Variants in ATAD5 observed in about 807,000 individuals in gnomAD.
ATAD5 encodes the protein ATPase family AAA domain containing 5.
In ATAD5, 58 loss-of-function variants were observed where a neutral mutation model predicts 176.9. The observed-to-expected ratio is 0.33, with a 90% CI of 0.27 to 0.41. ATAD5 has a LOEUF of 0.41. ATAD5 is among the 10% of genes least tolerant of loss of function. The probability of loss-of-function intolerance (pLI) is 1.00; values close to 1 mark genes in which losing one functional copy is unlikely to be tolerated. For missense variants in ATAD5, 1,789 were observed against 2,094.1 expected, an observed-to-expected ratio of 0.85 and a Z score of 2.84; for synonymous variants, 640 against 712.6, an observed-to-expected ratio of 0.90 and a Z score of 1.62.
At chr17:30,865,625 CA>C in intron 10 of ATAD5, 78 bp from the exon 11 acceptor site, 1 of 822,724 alleles carries the variant, frequency 1.2e-6, no homozygotes, top group East Asian at 2.9e-5. Context: ...GACATTGTAA[CA>C]ATAATGTAAA....
At position 30,894,605 on chromosome 17, in the gene ATAD5, C is replaced by T. The variant is rs149072088; in HGVS notation, c.5339C>T (p.Ser1780Leu). Reference sequence around the variant, plus strand: ...ATATCAGTCATTAAAAGTGTATTTTCGAGTCGATCTCTTCTCTATGTGGGT... The same window carrying T: ...ATATCAGTCATTAAAAGTGTATTTTTGAGTCGATCTCTTCTCTATGTGGGT... The part of the protein sequence containing the change: ...KRISVIKSVF[S>L]SRSLLYVGNR... Residue 1780 changes from serine (S) to leucine (L), a missense_variant, in exon 22 of 23, where the codon TCG (serine) becomes TTG (leucine). Coordinates refer to ENST00000321990, the MANE Select transcript of ATAD5 (RefSeq NM_024857.5). The T allele has an allele frequency of 1.2e-5, 19 of 1,612,296 alleles. No homozygotes were observed. In the African/African-American group the frequency reaches 1.3e-4, roughly 11 times the overall value.
intron 11 of ATAD5, among the ~76,000 whole-genome samples, chr17:30,867,282 C>T (rs1178146880): frequency 6.6e-6 from 1 of 152,082 alleles, no homozygotes; most frequent in African/African-American, 2.4e-5. Flanking sequence ...CACTTGGATT[C>T]TGAGCCACTC....
rs751501563 is a variant in ATAD5 at position 30,893,437 on chromosome 17, T to C, written c.4584T>C (p.Phe1528=). 7 of 1,613,744 alleles carry C rather than the reference T, an allele frequency of 4.3e-6. No homozygotes were observed. Among genetic ancestry groups the C allele is most frequent in the African/African-American group, 2.7e-5 (2 of 74,894 alleles). The part of the protein sequence containing the change: ...PVDTIPETKN[F]CGPSVTVDAS... ...ATACCATTCCAGAAACTAAAAACTT[T>C]TGTGGCCCATCAGTAACTGTGGATG... The change falls in exon 21 of 23, where the codon TTT becomes TTC. Residue 1528 remains phenylalanine, a synonymous_variant. Transcript: ENST00000321990.
Position 30,876,507 on chromosome 17 carries a change from T to G in ATAD5, c.3741T>G (p.Pro1247=). 6.3e-7 allele frequency: 1 copy of G among 1,589,342 alleles called. No individual in the cohort carries two copies. The highest frequency in any genetic ancestry group is 8.6e-7 in the Non-Finnish European group (1 of 1,163,210). ...LANYFKVSPK[P]KNNEEIGMLL... is the part of the protein sequence containing the mutation. ...ATTATTTTAAAGTATCTCCCAAACC[T>G]AAAAATAATGAAGAAATAGGAATGC... The change falls in exon 15 of 23, where the codon CCT becomes CCG. Residue 1247 remains proline (P), a synonymous_variant. Coordinates refer to ENST00000321990, the MANE Select transcript of ATAD5 (RefSeq NM_024857.5).
chr17:30,893,573 G>A lies in ATAD5; in HGVS notation c.4720G>A (p.Asp1574Asn), dbSNP rs1038921475. ...ACAAAAGAAAACATTGGTAATATTA[G>A]ATGATAGTGATCTATTTGACACTGA... is the stretch of plus-strand genomic sequence containing the variant. The part of the protein sequence containing the change: ...KKQKKTLVIL[D>N]DSDLFDTDLD... Residue 1574 changes from aspartate (D) to asparagine (N), a missense_variant, in exon 21 of 23, where the codon GAT becomes AAT. Asp to Asn is a conservative substitution (Grantham distance 23). Around this residue, in one of 6 missense-constraint regions of ATAD5, gnomAD observed 403 missense variants for 495.1 expected, o/e 0.81. Coordinates refer to ENST00000321990, the MANE Select transcript of ATAD5 (RefSeq NM_024857.5). The A allele has an allele frequency of 6.2e-7, 1 of 1,613,670 alleles. No homozygotes were observed. The highest frequency in any genetic ancestry group is 1.3e-5 in the African/African-American group (1 of 75,036).
At chr17:30,871,821 T>C (rs1908353282) in intron 14 of ATAD5, among the ~76,000 whole-genome samples, 2 of 152,216 alleles carry the variant, frequency 1.3e-5, no homozygotes, top group South Asian at 4.1e-4. Flanking sequence ...TGTTCTTTTT[T>C]TTCTAAATTT....
Position 30,894,873 on chromosome 17 carries a change from CAA to C in ATAD5, c.5498_5499del (p.Lys1833ArgfsTer9). ...TTTGAAGGAATTCATCTTGACATTC[CAA>C]AAGAGACTGTGAATACTTTGGCAGC... On this transcript the variant is annotated frameshift_variant, in exon 23 of 23. Coordinates refer to ENST00000321990, the MANE Select transcript of ATAD5 (RefSeq NM_024857.5). LOFTEE classifies it high-confidence loss of function. 6.3e-7 allele frequency: 1 copy of C among 1,598,546 alleles called. No individual in the cohort carries two copies. The highest frequency in any genetic ancestry group is 8.5e-7 in the Non-Finnish European group (1 of 1,175,758).
chr17:30,843,914 A>T lies in ATAD5; in HGVS notation c.2243A>T (p.Asp748Val). 7.4e-7 allele frequency: 1 copy of T among 1,356,264 alleles called. No homozygotes were observed. The highest frequency in any genetic ancestry group is 1.0e-6 in the Non-Finnish European group (1 of 1,002,080). 84.0% of individuals were successfully genotyped at this position (1,356,264 alleles called of 1,614,324 possible). A position where few individuals can be genotyped will look rare whatever the true frequency, so the allele number is the denominator to read the frequency against. Residue 748 changes from aspartate (D) to valine (V), a missense_variant and splice_region_variant, in exon 5 of 23, where the codon GAT becomes GTT. Physicochemically the swap from Asp to Val is radical, Grantham distance 152. This residue lies in a region of ATAD5 where 487 missense variants were observed against 573.6 expected (regional missense o/e 0.85). Transcript: ENST00000321990. Reference protein sequence around the residue: ...PERKKLSETEDSVIIIDSSPT... With the variant: ...PERKKLSETEVSVIIIDSSPT... ...ATTTATTCTCTTATTTTGTCTTAGG[A>T]TTCTGTTATAATAATAGATTCAAGT...
intron 10 of ATAD5, among the ~76,000 whole-genome samples, chr17:30,861,092 C>A (rs139780564): frequency 6.6e-6 from 1 of 151,694 alleles, no homozygotes; most frequent in Non-Finnish European, 1.5e-5. Flanking sequence ...TGTGAGCCAC[C>A]GTGCCTGGCC....
rs1176957332 is a variant in ATAD5 at position 30,857,058 on chromosome 17, T to C, written c.2739T>C (p.Leu913=). The C allele has an allele frequency of 6.2e-7, 1 of 1,611,016 alleles. No individual in the cohort carries two copies. The highest frequency in any genetic ancestry group is 8.5e-7 in the Non-Finnish European group (1 of 1,179,432). ...ATCTCTCAAAATGTGGTATTGCTCTTGGTGAATTTTCAACATTGAATTCAA... is the reference window on the plus strand; with the variant it reads ...ATCTCTCAAAATGTGGTATTGCTCTCGGTGAATTTTCAACATTGAATTCAA... ...VIDLSKCGIA[L]GEFSTLNSKL... Residue 913 remains leucine (L), a synonymous_variant, in exon 8 of 23, where the codon CTT becomes CTC. Transcript: ENST00000321990.
intron 6 of ATAD5, among the ~76,000 whole-genome samples, chr17:30,854,645 T>C (rs951517427): frequency 2.0e-5 from 3 of 152,212 alleles, no homozygotes; most frequent in African/African-American, 7.2e-5. Flanking sequence ...GTGCTGGGAT[T>C]ACAGGCGTGA....
In ATAD5 at chr17:30,855,264, G is replaced by C. The variant is rs572609574; in HGVS notation, c.2572G>C (p.Asp858His). Residue 858 changes from aspartate to histidine, a missense_variant, in exon 7 of 23, where the codon GAT becomes CAT. Asp to His is a moderately conservative substitution (Grantham distance 81). Transcript: ENST00000321990. ...RQIAKKAAALDVYNAVSTSFQ... is the reference protein window; with the variant it reads ...RQIAKKAAALHVYNAVSTSFQ... Reference sequence around the variant, plus strand: ...AATTGCAAAGAAAGCTGCTGCGCTGGATGTGTACAATGCAGTGAGTACCAG... The same window carrying C: ...AATTGCAAAGAAAGCTGCTGCGCTGCATGTGTACAATGCAGTGAGTACCAG... 5 of 1,614,102 alleles carry C rather than the reference G, an allele frequency of 3.1e-6. No individual in the cohort carries two copies. The highest frequency in any genetic ancestry group is 4.5e-5 in the East Asian group (2 of 44,886).
At chr17:30,857,683 G>C (rs1002187922) in intron 8 of ATAD5, among the ~76,000 whole-genome samples, 1 of 151,530 alleles carries the variant, frequency 6.6e-6, no homozygotes, top group Non-Finnish European at 1.5e-5. Context: ...GATATAATTA[G>C]TTCAAAGGGA....
Position 30,893,612 on chromosome 17 carries a change from G to A in ATAD5, c.4759G>A (p.Asp1587Asn), listed in dbSNP as rs1909751164. The part of the protein sequence containing the change: ...DLFDTDLDFP[D>N]QSISLSSVSS... ...ATTTGACACTGACTTGGACTTTCCTGATCAATCTATTAGCCTGTCCTCTGT... is the reference window on the plus strand; with the variant it reads ...ATTTGACACTGACTTGGACTTTCCTAATCAATCTATTAGCCTGTCCTCTGT... Residue 1587 changes from aspartate (D) to asparagine (N), a missense_variant, in exon 21 of 23, where the codon GAT (aspartate) becomes AAT (asparagine). Transcript: ENST00000321990. 1 of 1,613,762 alleles carries A rather than the reference G, an allele frequency of 6.2e-7. No homozygotes were observed. The highest frequency in any genetic ancestry group is 1.3e-5 in the African/African-American group (1 of 74,932).
intron 4 of ATAD5, among the ~76,000 whole-genome samples, chr17:30,842,947 T>G (rs1906221040): frequency 6.6e-6 from 1 of 152,038 alleles, no homozygotes. Flanking sequence ...TTCTCCATGT[T>G]TCTCAGGCTG....
chr17:30,843,963 G>T lies in ATAD5; in HGVS notation c.2292G>T (p.Glu764Asp). 6.5e-7 allele frequency: 1 copy of T among 1,534,300 alleles called. No homozygotes were observed. The highest frequency in any genetic ancestry group is 1.2e-5 in the South Asian group (1 of 81,080). Reference protein sequence around the residue: ...DSSPTALKHPEKNQKKLQCLN... With the variant: ...DSSPTALKHPDKNQKKLQCLN... ...GTCCTACTGCTTTAAAGCATCCAGAGAAAAATCAGAAGAAACTTCAGTGTT... is the reference window on the plus strand; with the variant it reads ...GTCCTACTGCTTTAAAGCATCCAGATAAAAATCAGAAGAAACTTCAGTGTT... Residue 764 changes from glutamate (E) to aspartate (D), a missense_variant, in exon 5 of 23, where the codon GAG becomes GAT. Physicochemically the swap from Glu to Asp is conservative, Grantham distance 45. Transcript: ENST00000321990.
rs200467670 is a variant in ATAD5, at chr17:30,893,545, G to T, written c.4692G>T (p.Lys1564Asn). Residue 1564 changes from lysine to asparagine, a missense_variant, in exon 21 of 23, where the codon AAG becomes AAT. Around this residue, in one of 6 missense-constraint regions of ATAD5, gnomAD observed 403 missense variants for 495.1 expected, o/e 0.81. Coordinates refer to ENST00000321990, the MANE Select transcript of ATAD5 (RefSeq NM_024857.5). Reference sequence around the variant, plus strand: ...AGCCATTGAAAAAGTCCCAGAAAAAGAAACAAAAGAAAACATTGGTAATAT... The same window carrying T: ...AGCCATTGAAAAAGTCCCAGAAAAATAAACAAAAGAAAACATTGGTAATAT... ...REQPLKKSQK[K>N]KQKKTLVILD... The T allele has an allele frequency of 6.8e-6, 11 of 1,611,244 alleles. No homozygotes were observed. The South Asian group carries it at 1.0e-4, about 15-fold the overall frequency.
rs747000850 is a variant in ATAD5 at position 30,835,613 on chromosome 17, A to G, written c.1532A>G (p.Glu511Gly). ...QKKETTFFLK[E>G]KQYQNRMSLR... is the part of the protein sequence containing the mutation. ...AAAGAAACAACCTTTTTCTTAAAAG[A>G]GAAACAATATCAAAATAGAATGAGT... is the stretch of plus-strand genomic sequence containing the variant. The change falls in exon 2 of 23, where the codon GAG (glutamate) becomes GGG (glycine). Residue 511 changes from glutamate to glycine, a missense_variant. This residue lies in a region of ATAD5 where 696 missense variants were observed against 712.5 expected (regional missense o/e 0.98). Coordinates refer to ENST00000321990, the MANE Select transcript of ATAD5 (RefSeq NM_024857.5). The G allele has an allele frequency of 1.9e-6, 3 of 1,611,032 alleles. No homozygotes were observed. The highest frequency in any genetic ancestry group is 2.5e-6 in the Non-Finnish European group (3 of 1,178,764).
chr17:30,837,988 G>C (rs932441982), intron 3 of ATAD5, among the ~76,000 whole-genome samples: 2 of 152,178 alleles, frequency 1.3e-5, no homozygotes, highest in African/African-American at 4.8e-5. Flanking sequence ...ATTTTGGCTG[G>C]ATAATTCTTT....
Sources: gnomAD v4.1 joint callset for allele counts (sites outside exome capture counted in the v4.1 genomes callset) on GRCh38, gnomAD v4.1.1 for gene constraint, gnomAD v4.1.1 regional missense constraint, MANE v1.5 for transcripts, NCBI Gene and HGNC (gene_info 2026-07-23, HGNC 2026-07-21) for gene names.